Variants in TGDS observed in about 807,000 individuals in gnomAD.
TGDS encodes the protein TDP-glucose 4,6-dehydratase.
In TGDS, 47 loss-of-function variants were observed where a neutral mutation model predicts 52.3. The observed-to-expected ratio is 0.90, with a 90% confidence interval of 0.71 to 1.15. The LOEUF (loss-of-function observed/expected upper bound fraction) is 1.15, where lower values mean the gene tolerates loss of function less well. TGDS is among the 50% of genes most tolerant of loss of function. The pLI, the probability that TGDS is intolerant of heterozygous loss-of-function variation, is 0.00. For synonymous variants in TGDS, 115 were observed against 136.9 expected (o/e 0.84, Z 1.12); for missense variants, 375 against 418.4 (o/e 0.90, Z 0.90).
At chr13:94,586,068 T>C (rs1233114331) in intron 4 of TGDS, among the ~76,000 whole-genome samples, 1 of 151,882 alleles carries the variant, frequency 6.6e-6, no homozygotes, top group African/African-American at 2.4e-5. Context: ...AAATAAACAA[T>C]TTTTTACAAA....
Position 94,583,130 on chromosome 13 carries a change from G to A in TGDS, c.420C>T (p.Val140=), listed in dbSNP as rs1244469323. 3 of 1,613,744 alleles carry A rather than the reference G, an allele frequency of 1.9e-6. No homozygotes were observed. Among genetic ancestry groups the A allele is most frequent in the African/African-American group, 2.7e-5 (2 of 74,904 alleles). ...HEARVEKFIY[V]STDEVYGGSL... The stretch of plus-strand genomic sequence containing the variant: ...TGCCACCATATACTTCATCTGTGCT[G>A]ACATAAATAAACTTCTCCACTCTGG... Residue 140 remains valine, a synonymous_variant, in exon 5 of 12, where the codon GTC becomes GTT. Transcript: ENST00000261296.
chr13:94,581,282 A>G, intron 5 of TGDS, 93 bp from the exon 6 acceptor site: 2 of 814,482 alleles, frequency 2.5e-6, no homozygotes, highest in Admixed American at 3.0e-5. Flanking sequence ...TCAATCACCA[A>G]ATTTTAAAAG....
intron 2 of TGDS, among the ~76,000 whole-genome samples, 165 bp downstream of exon 2, chr13:94,593,670 CTTTTAT>C (rs1307196713): frequency 6.6e-6 from 1 of 152,070 alleles, no homozygotes; most frequent in Non-Finnish European, 1.5e-5. Context: ...GTTTCAAAAA[CTTTTAT>C]ATAAGATTAA....
At chr13:94,577,347 C>A in intron 10 of TGDS, 24 bp downstream of exon 10, 1 of 1,533,806 alleles carries the variant, frequency 6.5e-7, no homozygotes, top group Non-Finnish European at 8.7e-7. Context: ...CAACCTTTCC[C>A]CAAGGTTTTA....
At chr13:94,596,028 TG>T in intron 1 of TGDS, 22 bp downstream of exon 1, 1 of 1,613,750 alleles carries the variant, frequency 6.2e-7, no homozygotes, top group Non-Finnish European at 8.5e-7. Flanking sequence ...AGCCACTGCT[TG>T]GCTAGCGGCG....
chr13:94,581,933 C>T (rs9590036), intron 5 of TGDS, among the ~76,000 whole-genome samples: 29,530 of 152,104 alleles, frequency 0.19, 3,161 homozygotes, highest in Middle Eastern at 0.25. Flanking sequence ...GACACAGTGG[C>T]TCATACCTAT....
intron 2 of TGDS, among the ~76,000 whole-genome samples, chr13:94,592,756 C>A (rs748298193): frequency 3.8e-4 from 58 of 152,090 alleles, no homozygotes; most frequent in Non-Finnish European, 6.6e-4. Flanking sequence ...TGTTTTTACA[C>A]ATTTTAAGTT....
rs1288811831 is a variant in TGDS, at chr13:94,574,090, T to C, written c.*692A>G. On this transcript the variant is annotated 3_prime_UTR_variant, in exon 12 of 12. Transcript: ENST00000261296. Reference sequence around the variant, plus strand: ...TTTTTTTTATTTTTCTACAGCAAAATAAAAACATTATTTTAAAAAGCAATA... The same window carrying C: ...TTTTTTTTATTTTTCTACAGCAAAACAAAAACATTATTTTAAAAAGCAATA... 3 of 152,020 alleles carry C rather than the reference T, an allele frequency of 2.0e-5. No individual in the cohort carries two copies. In the East Asian group the frequency reaches 5.8e-4, roughly 29 times the overall value. The allele number at this position is 152,020 out of a possible 1,614,324, so 9.4% of individuals were successfully genotyped here.
Position 94,582,034 on chromosome 13 carries a change from T to A in TGDS, c.457-845A>T, listed in dbSNP as rs181345297. On this transcript the variant is annotated intron_variant, in intron 5 of 11. Transcript: ENST00000261296. ...GACCAACATGGAGAAACCCCATCTC[T>A]ACTAAACTACAAAATTAGCTGGGCA... 2.7e-4 allele frequency among the ~76,000 whole-genome samples: 41 copies of A among 152,200 alleles called. No individual in the cohort carries two copies. The East Asian group carries it at 7.0e-3, about 26-fold the overall frequency.
chr13:94,582,101 G>A (rs912981742), intron 5 of TGDS, among the ~76,000 whole-genome samples: 4 of 152,052 alleles, frequency 2.6e-5, no homozygotes, highest in African/African-American at 9.7e-5. Flanking sequence ...GGGAGGCTGA[G>A]GCAGGAGAAT....
chr13:94,592,840 C>T (rs2139545831), intron 2 of TGDS, among the ~76,000 whole-genome samples: 1 of 152,184 alleles, frequency 6.6e-6, no homozygotes, highest in African/African-American at 2.4e-5. Context: ...AAAACAAAAA[C>T]CTTTTCATAA....
At position 94,577,575 on chromosome 13, in the gene TGDS, A is replaced by G. The variant is rs996867138; in HGVS notation, c.826-146T>C. The G allele has an allele frequency of 4.9e-6, 3 of 612,706 alleles. No individual in the cohort carries two copies. The African/African-American group carries it at 5.7e-5, about 12-fold the overall frequency. The allele number at this position is 612,706 out of a possible 1,614,324, so 38.0% of individuals were successfully genotyped here. A position where few individuals can be genotyped will look rare whatever the true frequency, so the allele number is the denominator to read the frequency against. On this transcript the variant is annotated intron_variant, in intron 9 of 11. Coordinates refer to ENST00000261296, the MANE Select transcript of TGDS (RefSeq NM_014305.4). ...GAACATCATTTTAGTAACACTTTCT[A>G]TACTTTATAACCTAAATTCCATCTG...
intron 6 of TGDS, among the ~76,000 whole-genome samples, chr13:94,580,780 T>C (rs1254204702): frequency 1.3e-5 from 2 of 152,248 alleles, no homozygotes; most frequent in Admixed American, 1.3e-4. Context: ...ATAGAGGAAA[T>C]TAGTTTTTAA....
chr13:94,588,357 A>G (rs143867293), intron 4 of TGDS, among the ~76,000 whole-genome samples: 1 of 129,482 alleles, frequency 7.7e-6, no homozygotes, highest in Non-Finnish European at 1.6e-5. Flanking sequence ...TGGGAGGCGG[A>G]GGTTGCAGTG....
intron 1 of TGDS, among the ~76,000 whole-genome samples, chr13:94,595,189 A>G (rs1889332490): frequency 6.6e-6 from 1 of 152,200 alleles, no homozygotes; most frequent in African/African-American, 2.4e-5. Context: ...AAGCAAGTGC[A>G]AAGGCCTCAA....
At chr13:94,578,241 C>T in intron 8 of TGDS, 71 bp from the exon 9 acceptor site, 1 of 1,405,174 alleles carries the variant, frequency 7.1e-7, no homozygotes, top group Non-Finnish European at 9.8e-7. Context: ...TGACTGGGTA[C>T]TACAACTCCA....
At chr13:94,594,069 C>G (rs1009250403) in intron 1 of TGDS, among the ~76,000 whole-genome samples, 162 bp from the exon 2 acceptor site, 1 of 152,152 alleles carries the variant, frequency 6.6e-6, no homozygotes, top group African/African-American at 2.4e-5. Context: ...CACATGCAAA[C>G]TTTTTACCAA....
intron 1 of TGDS, 138 bp downstream of exon 1, chr13:94,595,913 G>A (rs1041291889): frequency 4.3e-5 from 39 of 905,958 alleles, no homozygotes; most frequent in Admixed American, 1.0e-4. Flanking sequence ...GCTGGTCCAG[G>A]TCGTGCATTA....
At chr13:94,587,870 G>A (rs1211059629) in intron 4 of TGDS, among the ~76,000 whole-genome samples, 3 of 151,460 alleles carry the variant, frequency 2.0e-5, no homozygotes, top group African/African-American at 4.9e-5. Context: ...GGTGGCGGGC[G>A]CCTGTAGTCC....
Sources: allele counts gnomAD v4.1 joint callset (sites outside exome capture counted in the v4.1 genomes callset), GRCh38; gene constraint gnomAD v4.1.1; transcripts MANE v1.5; gene names NCBI Gene and HGNC (gene_info 2026-07-23, HGNC 2026-07-21).